The following PDZRN3 variants were observed in gnomAD, a reference collection of about 807,000 sequenced individuals.
PDZRN3 encodes PDZ domain containing ring finger 3.
A neutral mutation model predicts 85.7 loss-of-function variants in PDZRN3; 38 were observed. The ratio of observed to expected loss-of-function variants is 0.44; its 90% CI spans 0.34 to 0.58. PDZRN3 has a LOEUF of 0.58. Ranked by LOEUF, PDZRN3 falls within the 20% of genes least tolerant of loss-of-function variation. The probability of loss-of-function intolerance (pLI) is 0.01; values close to 1 mark genes in which losing one functional copy is unlikely to be tolerated. For synonymous variants in PDZRN3, 759 were observed against 638.0 expected (o/e 1.19, Z -2.86); for missense variants, 1,629 against 1,506.4 (o/e 1.08, Z -1.35).
intron 5 of PDZRN3, among the ~76,000 whole-genome samples, chr3:73,395,804 A>G (rs1021374163): frequency 1.3e-5 from 2 of 152,240 alleles, no homozygotes; most frequent in Admixed American, 6.5e-5. Flanking sequence ...CCTTCATTCA[A>G]AAAATATTTC....
In PDZRN3 at chr3:73,453,452, G is replaced by A. The variant is rs112394331; in HGVS notation, c.919-49057C>T. 1.9e-3 allele frequency among the ~76,000 whole-genome samples: 241 copies of A among 124,772 alleles called. 2 individuals are homozygous for A. Among genetic ancestry groups the A allele is most frequent in the African/African-American group, 5.4e-3 (181 of 33,380 alleles). The allele number at this position is 124,772 out of a possible 152,430, so 81.9% of individuals were successfully genotyped here. A position where few individuals can be genotyped will look rare whatever the true frequency, so the allele number is the denominator to read the frequency against. On this transcript the variant is annotated intron_variant, in intron 3 of 9. Transcript: ENST00000263666. ...AAAAAAAAAACAAAGAAAGAAGAAA[G>A]AATTCGCTGTTAATTCCTGAACAGT...
chr3:73,524,268 G>C (rs1032175585), intron 3 of PDZRN3, among the ~76,000 whole-genome samples: 2 of 152,150 alleles, frequency 1.3e-5, no homozygotes, highest in African/African-American at 4.8e-5. Context: ...TTAAAGTTGA[G>C]GCTTAATTTA....
chr3:73,451,166 T>C (rs1212251641), intron 3 of PDZRN3, among the ~76,000 whole-genome samples: 1 of 152,112 alleles, frequency 6.6e-6, no homozygotes, highest in Non-Finnish European at 1.5e-5. Flanking sequence ...AAATACTTCT[T>C]CCGGGTGGGG....
chr3:73,598,173 G>C (rs1442095808), intron 3 of PDZRN3, among the ~76,000 whole-genome samples: 4 of 151,986 alleles, frequency 2.6e-5, no homozygotes, highest in Non-Finnish European at 5.9e-5. Context: ...CCACACTTTG[G>C]GCACTGGGAA....
At chr3:73,554,711 A>G (rs1701649577) in intron 3 of PDZRN3, among the ~76,000 whole-genome samples, 1 of 152,080 alleles carries the variant, frequency 6.6e-6, no homozygotes, top group African/African-American at 2.4e-5. Context: ...TTTCATCCAC[A>G]CTCACTGGCA....
chr3:73,468,989 T>G (rs910464755), intron 3 of PDZRN3, among the ~76,000 whole-genome samples: 2 of 152,136 alleles, frequency 1.3e-5, no homozygotes, highest in East Asian at 1.9e-4. Flanking sequence ...TATTGGCTCC[T>G]ATTATTATTA....
intron 3 of PDZRN3, among the ~76,000 whole-genome samples, chr3:73,417,911 T>C (rs918525423): frequency 2.6e-5 from 4 of 152,070 alleles, no homozygotes; most frequent in Non-Finnish European, 4.4e-5. Flanking sequence ...GAAGAACCAA[T>C]GAAAAGGAGC....
chr3:73,544,881 G>T (rs1193502668), intron 3 of PDZRN3, among the ~76,000 whole-genome samples: 2 of 152,172 alleles, frequency 1.3e-5, no homozygotes, highest in African/African-American at 4.8e-5. Flanking sequence ...ATTTCAGAAT[G>T]TGTGAGATTT....
chr3:73,605,687 G>A (rs1702589770), intron 2 of PDZRN3, among the ~76,000 whole-genome samples: 4 of 152,190 alleles, frequency 2.6e-5, no homozygotes, highest in Non-Finnish European at 1.5e-5. Flanking sequence ...TGGCTTTTTA[G>A]CATGTACTCA....
chr3:73,527,881 C>T lies in PDZRN3; in HGVS notation c.918+74473G>A, dbSNP rs554142528. Among the ~76,000 whole-genome samples the T allele has an allele frequency of 1.1e-4, 16 of 152,154 alleles. 1 individual carries two copies. The highest frequency in any genetic ancestry group is 9.8e-4 in the Admixed American group (15 of 15,280). ...TAAAAACCAAAGGATGGAAATAAAC[C>T]CCTATTTACTCGCATGAGGCAAAAC... On this transcript the variant is annotated intron_variant, in intron 3 of 9. Transcript: ENST00000263666.
rs75087433 is a variant in PDZRN3, at chr3:73,406,804, C to G, written c.919-2409G>C. 3.2e-3 allele frequency among the ~76,000 whole-genome samples: 490 copies of G among 152,280 alleles called. 1 individual carries two copies. Among genetic ancestry groups the G allele is most frequent in the African/African-American group, 0.011 (469 of 41,538 alleles). On this transcript the variant is annotated intron_variant, in intron 3 of 9. Transcript: ENST00000263666. ...CTTCCTGTTCTTCTTAAGAGGAACA[C>G]TAAGCTAGGTGAGGAGAGGATGGGG...
chr3:73,581,873 A>G (rs1702206722), intron 3 of PDZRN3, among the ~76,000 whole-genome samples: 1 of 151,702 alleles, frequency 6.6e-6, no homozygotes, highest in Non-Finnish European at 1.5e-5. Flanking sequence ...CCAGGGCAAG[A>G]AGATAGCTTG....
chr3:73,552,003 G>C (rs1435690803), intron 3 of PDZRN3, among the ~76,000 whole-genome samples: 1 of 152,186 alleles, frequency 6.6e-6, no homozygotes, highest in East Asian at 1.9e-4. Flanking sequence ...CCAAGTGACT[G>C]ATTCCTATGA....
Position 73,383,264 on chromosome 3 carries a change from C to T in PDZRN3, c.*101G>A, listed in dbSNP as rs189563611. 14 of 1,111,278 alleles carry T rather than the reference C, an allele frequency of 1.3e-5. No homozygotes were observed. Among genetic ancestry groups the T allele is most frequent in the African/African-American group, 1.1e-4 (7 of 63,940 alleles). 68.8% of individuals were successfully genotyped at this position (1,111,278 alleles called of 1,614,324 possible). On this transcript the variant is annotated 3_prime_UTR_variant, in exon 10 of 10. Transcript: ENST00000263666. The stretch of plus-strand genomic sequence containing the variant: ...AAATTTGGACTATAAACATGAAGAC[C>T]GTACTTATCTTATATACAAAAACTT...
chr3:73,609,065 A>C (rs1053548919), intron 1 of PDZRN3, among the ~76,000 whole-genome samples: 1 of 152,218 alleles, frequency 6.6e-6, no homozygotes, highest in Non-Finnish European at 1.5e-5. Context: ...TCTCAACAGC[A>C]GCATTCATGT....
At chr3:73,563,075 G>C (rs1274540838) in intron 3 of PDZRN3, among the ~76,000 whole-genome samples, 6 of 130,120 alleles carry the variant, frequency 4.6e-5, no homozygotes, top group African/African-American at 1.5e-4. Flanking sequence ...CTGGAGTGCT[G>C]TGGCACGATC....
At chr3:73,433,989 G>C in intron 3 of PDZRN3, 1 of 1,275,946 alleles carries the variant, frequency 7.8e-7, no homozygotes, top group Non-Finnish European at 9.9e-7. Context: ...GAGTGACTCT[G>C]GCAGCTGGAT....
intron 3 of PDZRN3, among the ~76,000 whole-genome samples, chr3:73,525,311 A>C (rs1704496138): frequency 6.6e-6 from 1 of 152,190 alleles, no homozygotes; most frequent in Non-Finnish European, 1.5e-5. Flanking sequence ...GTGTATATAT[A>C]TGCAGAGGAA....
chr3:73,448,973 T>C (rs575809902), intron 3 of PDZRN3, among the ~76,000 whole-genome samples: 3 of 152,286 alleles, frequency 2.0e-5, no homozygotes, highest in South Asian at 2.1e-4. Flanking sequence ...TGTGGCATGG[T>C]TGGAGTCACA....
Sources: gnomAD v4.1 joint callset for allele counts (sites outside exome capture counted in the v4.1 genomes callset) on GRCh38, gnomAD v4.1.1 for gene constraint, MANE v1.5 for transcripts, NCBI Gene and HGNC (gene_info 2026-07-23, HGNC 2026-07-21) for gene names.